Variants in FHOD3 observed in about 807,000 individuals in gnomAD.
The protein encoded by FHOD3 is FH1/FH2 domain-containing protein 3.
In FHOD3, 90 loss-of-function variants were observed where a neutral mutation model predicts 173.0. That is an observed-to-expected ratio of 0.52 (90% CI 0.44 to 0.62). The LOEUF is 0.62. FHOD3 is among the 20% of genes least tolerant of loss of function. The pLI, the probability that FHOD3 is intolerant of heterozygous loss-of-function variation, is 0.00. For synonymous variants in FHOD3, 828 were observed against 823.0 expected, an observed-to-expected ratio of 1.01 and a Z score of -0.10; for missense variants, 1,945 against 2,034.7, an observed-to-expected ratio of 0.96 and a Z score of 0.85.
intron 20 of FHOD3, among the ~76,000 whole-genome samples, chr18:36,732,563 T>C (rs2041420306): frequency 6.6e-6 from 1 of 152,196 alleles, no homozygotes; most frequent in Non-Finnish European, 1.5e-5. Flanking sequence ...TCCTTCTTCT[T>C]ATAAGGATAC....
chr18:36,420,163 T>G (rs986956506), intron 3 of FHOD3, among the ~76,000 whole-genome samples: 4 of 152,182 alleles, frequency 2.6e-5, no homozygotes, highest in Non-Finnish European at 5.9e-5. Flanking sequence ...TTCATACTGA[T>G]CCGTCCACAC....
chr18:36,553,808 T>G (rs1407910927), intron 5 of FHOD3, among the ~76,000 whole-genome samples: 1 of 151,980 alleles, frequency 6.6e-6, no homozygotes, highest in Non-Finnish European at 1.5e-5. Flanking sequence ...CAAACAACCC[T>G]ATCAAAAAGT....
chr18:36,397,368 G>C (rs184363172), intron 3 of FHOD3, among the ~76,000 whole-genome samples: 50 of 152,104 alleles, frequency 3.3e-4, no homozygotes, highest in Admixed American at 6.5e-4. Context: ...TTTTATTTTA[G>C]TGTTTGTAGA....
Position 36,512,670 on chromosome 18 carries a change from C to A in FHOD3, c.511+127C>A, listed in dbSNP as rs565007681. 2.4e-5 allele frequency: 16 copies of A among 654,938 alleles called. No homozygotes were observed. The South Asian group carries it at 2.7e-4, about 11-fold the overall frequency. The allele number at this position is 654,938 out of a possible 1,614,324, so 40.6% of individuals were successfully genotyped here. A position where few individuals can be genotyped will look rare whatever the true frequency, so the allele number is the denominator to read the frequency against. On this transcript the variant is annotated intron_variant, in intron 5 of 28. Transcript: ENST00000590592. Reference sequence around the variant, plus strand: ...TTGAGAGTAAGGTGGTAAAGACACCCTTTGGCAAAAAAACATCTGCCATAG... The same window carrying A: ...TTGAGAGTAAGGTGGTAAAGACACCATTTGGCAAAAAAACATCTGCCATAG...
At chr18:36,555,000 G>T (rs1336720376) in intron 5 of FHOD3, among the ~76,000 whole-genome samples, 1 of 151,980 alleles carries the variant, frequency 6.6e-6, no homozygotes, top group Non-Finnish European at 1.5e-5. Flanking sequence ...TCTTTTCTAA[G>T]AACCAAATTG....
chr18:36,732,858 A>G (rs1042879452), intron 20 of FHOD3, among the ~76,000 whole-genome samples: 5 of 152,150 alleles, frequency 3.3e-5, no homozygotes, highest in African/African-American at 1.2e-4. Context: ...GTCCCCGCAG[A>G]CCCTAACCCA....
chr18:36,506,198 T>C (rs1452927183), intron 4 of FHOD3, among the ~76,000 whole-genome samples: 1 of 152,228 alleles, frequency 6.6e-6, no homozygotes, highest in East Asian at 1.9e-4. Flanking sequence ...CTTAGATCAA[T>C]GAGGAATCAA....
At chr18:36,618,310 G>GTTTT (rs1465774220) in intron 9 of FHOD3, among the ~76,000 whole-genome samples, 1,800 of 84,648 alleles carry the variant, frequency 0.021, 35 homozygotes, top group Non-Finnish European at 0.025. Flanking sequence ...GTTTTTTGGT[G>GTTTT]GTTTTTTTTT....
intron 10 of FHOD3, among the ~76,000 whole-genome samples, chr18:36,627,822 T>C (rs1024396671): frequency 7.2e-5 from 11 of 152,196 alleles, no homozygotes; most frequent in Non-Finnish European, 1.5e-4. Flanking sequence ...CTTAGTCACC[T>C]GCTCAACATC....
chr18:36,327,980 T>G (rs1169926423), intron 1 of FHOD3, among the ~76,000 whole-genome samples: 1 of 152,206 alleles, frequency 6.6e-6, no homozygotes, highest in Admixed American at 6.5e-5. Flanking sequence ...TTCTGTTCCC[T>G]TCAAGCCCCC....
Position 36,744,193 on chromosome 18 carries a change from G to T in FHOD3, c.4041G>T (p.Lys1347Asn). The T allele has an allele frequency of 6.2e-7, 1 of 1,611,926 alleles. No individual in the cohort carries two copies. Among genetic ancestry groups the T allele is most frequent in the Non-Finnish European group, 8.5e-7 (1 of 1,178,654 alleles). The change falls in exon 23 of 29, where the codon AAG becomes AAT. Residue 1347 changes from lysine to asparagine, a missense_variant and splice_region_variant. By Grantham distance (94) the Lys-to-Asn change is moderately conservative. Transcript: ENST00000590592. ...TCGGGGCCATCACCAGGTCAGCCAA[G>T]GTATGTCTGTGGACGCTGAGGAGTG... ...SEIGAITRSA[K>N]VDFDQLQDNL...
At chr18:36,334,804 G>A (rs918576749) in intron 1 of FHOD3, among the ~76,000 whole-genome samples, 1 of 152,186 alleles carries the variant, frequency 6.6e-6, no homozygotes, top group Non-Finnish European at 1.5e-5. Flanking sequence ...AGGTTTTAGT[G>A]GAATAAAAGT....
At chr18:36,664,663 T>G (rs1433446615) in intron 14 of FHOD3, among the ~76,000 whole-genome samples, 1 of 152,110 alleles carries the variant, frequency 6.6e-6, no homozygotes, top group African/African-American at 2.4e-5. Flanking sequence ...GACTTGACTT[T>G]TTCCCACCAT....
intron 22 of FHOD3, among the ~76,000 whole-genome samples, chr18:36,743,592 A>T (rs979464409): frequency 6.6e-6 from 1 of 152,190 alleles, no homozygotes; most frequent in Admixed American, 6.5e-5. Context: ...GGTTTGTTAC[A>T]TTGGTAAACA....
At chr18:36,548,379 G>A (rs781127238) in intron 5 of FHOD3, among the ~76,000 whole-genome samples, 2 of 152,140 alleles carry the variant, frequency 1.3e-5, no homozygotes, top group East Asian at 1.9e-4. Context: ...AGGTTCAGCC[G>A]TTGATTTTAA....
At chr18:36,396,010 AAC>A (rs1282644248) in intron 3 of FHOD3, among the ~76,000 whole-genome samples, 1 of 152,164 alleles carries the variant, frequency 6.6e-6, no homozygotes, top group Non-Finnish European at 1.5e-5. Context: ...TTTGCACGTT[AAC>A]AGTTTATTGG....
rs554445427 is a variant in FHOD3, at chr18:36,687,266, T to C, written c.2021+88T>C. The C allele has an allele frequency of 2.5e-3, 2,449 of 979,080 alleles. 45 individuals carry two copies. In the African/African-American group the frequency reaches 0.033, roughly 13 times the overall value. The allele number at this position is 979,080 out of a possible 1,614,324, so 60.6% of individuals were successfully genotyped here. A position where few individuals can be genotyped will look rare whatever the true frequency, so the allele number is the denominator to read the frequency against. On this transcript the variant is annotated intron_variant, in intron 16 of 28. Transcript: ENST00000590592. ...CATGCAGAGAGACTGTCGATTAAAA[T>C]ATAACTGCTTCACCTAAAACCTTAC...
chr18:36,375,207 A>G (rs935246337), intron 3 of FHOD3, among the ~76,000 whole-genome samples: 7 of 152,250 alleles, frequency 4.6e-5, no homozygotes, highest in Non-Finnish European at 1.0e-4. Context: ...ACCCGGAACA[A>G]TTTTGAGTCA....
intron 2 of FHOD3, among the ~76,000 whole-genome samples, chr18:36,364,255 A>G (rs1164604185): frequency 6.6e-6 from 1 of 152,202 alleles, no homozygotes; most frequent in African/African-American, 2.4e-5. Context: ...GATTCCAAAT[A>G]TAGGCAATCC....
Sources: gnomAD v4.1 joint callset for allele counts (sites outside exome capture counted in the v4.1 genomes callset) on GRCh38, gnomAD v4.1.1 for gene constraint, MANE v1.5 for transcripts, NCBI Gene and HGNC (gene_info 2026-07-23, HGNC 2026-07-21) for gene names.